The following DCAF4 variants were observed in gnomAD, a reference collection of about 807,000 sequenced individuals.
DCAF4 encodes the protein DDB1- and CUL4-associated factor 4.
DCAF4 carries 37 observed loss-of-function variants against 60.9 expected under a neutral mutation model. The observed-to-expected ratio is 0.61, with a 90% CI of 0.47 to 0.80. DCAF4 has a LOEUF of 0.80. Among genes scored for constraint, DCAF4 ranks in the 30% least tolerant of loss-of-function variants. The pLI, the probability that DCAF4 is intolerant of heterozygous loss-of-function variation, is 0.00. For synonymous variants in DCAF4, 243 were observed against 254.8 expected (o/e 0.95, Z 0.44); for missense variants, 577 against 650.0 (o/e 0.89, Z 1.22).
intron 2 of DCAF4, among the ~76,000 whole-genome samples, chr14:72,938,420 CA>C (rs1889584997): frequency 6.6e-6 from 1 of 152,188 alleles, no homozygotes; most frequent in Non-Finnish European, 1.5e-5. Context: ...ACTTTTTATG[CA>C]AATACCTTTG....
At chr14:72,957,234 G>A (rs1365444736) in intron 13 of DCAF4, 1 of 152,266 alleles carries the variant, frequency 6.6e-6, no homozygotes, top group Non-Finnish European at 1.5e-5. Context: ...AAATAAAAAA[G>A]ATTTGTGGCC....
intron 13 of DCAF4, 125 bp from the exon 14 acceptor site, chr14:72,958,487 G>A: frequency 9.2e-7 from 1 of 1,089,118 alleles, no homozygotes; most frequent in Non-Finnish European, 1.3e-6. Flanking sequence ...GTCCGTTAAT[G>A]AGTTTGTGTT....
chr14:72,929,922 C>G lies in DCAF4; in HGVS notation c.-9+3379C>G, dbSNP rs1888312954. On this transcript the variant is annotated intron_variant, in intron 1 of 13. Transcript: ENST00000358377. Reference sequence around the variant, plus strand: ...TGAGGCCCACGGCCATAAGGTAGCGCAGAGCCATGGCTGCTGCTCTCCATG... The same window carrying G: ...TGAGGCCCACGGCCATAAGGTAGCGGAGAGCCATGGCTGCTGCTCTCCATG... 6 of 1,188,100 alleles carry G rather than the reference C, an allele frequency of 5.1e-6. No homozygotes were observed. The East Asian group carries it at 1.5e-4, about 30-fold the overall frequency. 73.6% of individuals were successfully genotyped at this position (1,188,100 alleles called of 1,614,324 possible).
intron 8 of DCAF4, among the ~76,000 whole-genome samples, chr14:72,948,357 T>C (rs2806040): frequency 0.27 from 40,753 of 151,954 alleles, 5,902 homozygotes; most frequent in Non-Finnish European, 0.31. Flanking sequence ...CCAGCTTACA[T>C]TTCAAAGGGT....
In DCAF4 at chr14:72,929,077, G is replaced by A. The variant is rs144719098; in HGVS notation, c.-9+2534G>A. Among the ~76,000 whole-genome samples the A allele has an allele frequency of 3.2e-3, 488 of 152,306 alleles. 1 individual carries two copies. Among genetic ancestry groups the A allele is most frequent in the Admixed American group, 6.4e-3 (98 of 15,304 alleles). ...GCGTCCCAGCACTGCGGGCGGCACG[G>A]ACGCCCGGGGCTGCTCCCTACTGGG... On this transcript the variant is annotated intron_variant, in intron 1 of 13. Coordinates refer to ENST00000358377, the MANE Select transcript of DCAF4 (RefSeq NM_015604.4).
At chr14:72,927,949 C>T (rs752947265) in intron 1 of DCAF4, among the ~76,000 whole-genome samples, 7 of 152,094 alleles carry the variant, frequency 4.6e-5, no homozygotes. Context: ...CACCACCACA[C>T]CCGGCTAATT....
chr14:72,929,646 G>T, intron 1 of DCAF4: 1 of 1,306,142 alleles, frequency 7.7e-7, no homozygotes, highest in Non-Finnish European at 1.1e-6. Flanking sequence ...CCTCATGGCA[G>T]CCAGTACCTT....
At chr14:72,950,088 G>A (rs1459562532) in intron 8 of DCAF4, among the ~76,000 whole-genome samples, 1 of 152,178 alleles carries the variant, frequency 6.6e-6, no homozygotes, top group Non-Finnish European at 1.5e-5. Context: ...TAGGGAGCAG[G>A]GCCTTTCAAG....
intron 1 of DCAF4, among the ~76,000 whole-genome samples, chr14:72,934,525 G>A (rs1889006261): frequency 6.6e-6 from 1 of 152,122 alleles, no homozygotes. Flanking sequence ...GCTGACCTCA[G>A]GTGATCTGCC....
rs1231688768 is a variant in DCAF4 at position 72,954,150 on chromosome 14, T to C, written c.809-14T>C. 1 of 1,614,040 alleles carries C rather than the reference T, an allele frequency of 6.2e-7. No individual in the cohort carries two copies. Among genetic ancestry groups the C allele is most frequent in the Non-Finnish European group, 8.5e-7 (1 of 1,179,944 alleles). ...AAGGCAGCCACACTTTACATTCTCC[T>C]ATCCCCTTAGCAGGAATAGACCGGC... On this transcript the variant is annotated splice_polypyrimidine_tract_variant and intron_variant, in intron 9 of 13. Transcript: ENST00000358377.
intron 1 of DCAF4, among the ~76,000 whole-genome samples, chr14:72,932,027 T>TCA (rs1888648194): frequency 6.6e-6 from 1 of 151,222 alleles, no homozygotes; most frequent in African/African-American, 2.4e-5. Flanking sequence ...CTTGCTCTGT[T>TCA]GCCCAGGCGG....
At chr14:72,942,800 C>T (rs1890220164) in intron 5 of DCAF4, 194 bp from the exon 6 acceptor site, 1 of 579,404 alleles carries the variant, frequency 1.7e-6, no homozygotes, top group East Asian at 3.0e-5. Flanking sequence ...TCATTTTCAT[C>T]TTCCTGAGCG....
intron 8 of DCAF4, among the ~76,000 whole-genome samples, chr14:72,951,078 T>C (rs1203219317): frequency 6.6e-6 from 1 of 151,958 alleles, no homozygotes; most frequent in East Asian, 1.9e-4. Flanking sequence ...CTTCCAAGGC[T>C]CAAGCAATCC....
At chr14:72,942,936 G>T in intron 5 of DCAF4, 58 bp from the exon 6 acceptor site, 2 of 1,555,420 alleles carry the variant, frequency 1.3e-6, no homozygotes, top group South Asian at 1.2e-5. Context: ...AGAGACCCCC[G>T]AATCTTCTTC....
rs2302588 is a variant in DCAF4 at position 72,938,044 on chromosome 14, G to T, written c.66G>T (p.Trp22Cys). The change falls in exon 2 of 14, where the codon TGG (tryptophan) becomes TGT (cysteine). Residue 22 changes from tryptophan (W) to cysteine (C), a missense_variant. Transcript: ENST00000358377. ...GAAGAAGCCACCAGCAGAACCCTTG[G>T]TTCAGACTCCGTGATTCTGAAGACA... ...HGRRSHQQNP[W>C]FRLRDSEDRS... The T allele has an allele frequency of 1.5e-5, 24 of 1,609,570 alleles. No homozygotes were observed. Among genetic ancestry groups the T allele is most frequent in the Non-Finnish European group, 8.5e-6 (10 of 1,178,806 alleles).
intron 4 of DCAF4, 143 bp downstream of exon 4, chr14:72,940,520 C>G: frequency 1.3e-6 from 1 of 769,202 alleles, no homozygotes; most frequent in Non-Finnish European, 1.9e-6. Flanking sequence ...TTTTCCCTGA[C>G]AGGAAGAAGA....
At position 72,955,566 on chromosome 14, in the gene DCAF4, C is replaced by T. The variant is rs891332945; in HGVS notation, c.1049C>T (p.Ala350Val). The change falls in exon 12 of 14, where the codon GCC (alanine) becomes GTC (valine). Residue 350 changes from alanine (A) to valine (V), a missense_variant. By Grantham distance (64) the Ala-to-Val change is moderately conservative. Coordinates refer to ENST00000358377, the MANE Select transcript of DCAF4 (RefSeq NM_015604.4). ...FNGCRSGEIF[A>V]IDLRCGNQGK... The stretch of plus-strand genomic sequence containing the variant: ...GGCTGCCGCTCTGGGGAAATCTTTG[C>T]CATTGATCTGCGTTGTGGAAATCAA... 19 of 1,614,162 alleles carry T rather than the reference C, an allele frequency of 1.2e-5. No individual in the cohort carries two copies. The highest frequency in any genetic ancestry group is 6.7e-5 in the African/African-American group (5 of 75,054).
At chr14:72,957,417 A>C (rs1377849949) in intron 13 of DCAF4, 7 of 152,234 alleles carry the variant, frequency 4.6e-5, no homozygotes, top group African/African-American at 1.7e-4. Flanking sequence ...CTGACACTGC[A>C]GAATGTGTTC....
chr14:72,945,952 C>T lies in DCAF4; in HGVS notation c.603C>T (p.Ile201=). 3 of 1,614,154 alleles carry T rather than the reference C, an allele frequency of 1.9e-6. No individual in the cohort carries two copies. Among genetic ancestry groups the T allele is most frequent in the Non-Finnish European group, 2.5e-6 (3 of 1,180,026 alleles). ...DVKVGGSKYG[I]INLQSLKTPT... is the part of the protein sequence containing the mutation. ...AAGTTGGAGGCTCCAAGTATGGTAT[C>T]ATCAACCTGCAAAGTCTGAAGACCC... The change falls in exon 7 of 14, where the codon ATC becomes ATT. Residue 201 remains isoleucine (I), a synonymous_variant. Coordinates refer to ENST00000358377, the MANE Select transcript of DCAF4 (RefSeq NM_015604.4).
Sources: allele counts gnomAD v4.1 joint callset (sites outside exome capture counted in the v4.1 genomes callset), GRCh38; gene constraint gnomAD v4.1.1; transcripts MANE v1.5; gene names NCBI Gene and HGNC (gene_info 2026-07-23, HGNC 2026-07-21).